Variants in UGT1A10 observed in about 807,000 individuals in gnomAD.
UGT1A10 encodes UDP glucuronosyltransferase family 1 member A10.
In UGT1A10, 49 loss-of-function variants were observed where a neutral mutation model predicts 45.8. That is an observed-to-expected ratio of 1.07 (90% CI 0.85 to 1.36). The LOEUF is 1.36. UGT1A10 is among the 40% of genes most tolerant of loss of function. The pLI is 0.00. For missense variants in UGT1A10, 745 were observed against 668.6 expected, an observed-to-expected ratio of 1.11 and a Z score of -1.26; for synonymous variants, 284 against 249.7, an observed-to-expected ratio of 1.14 and a Z score of -1.29.
intron 1 of UGT1A10, chr2:233,760,497 C>T (rs1553620689): frequency 2.5e-6 from 4 of 1,614,200 alleles, no homozygotes; most frequent in East Asian, 2.2e-5. Flanking sequence ...ACATCAGAGA[C>T]GGAGCATTTT....
At chr2:233,697,139 T>G (rs2075377929) in intron 1 of UGT1A10, among the ~76,000 whole-genome samples, 1 of 152,116 alleles carries the variant, frequency 6.6e-6, no homozygotes. Flanking sequence ...TCTGTAATAG[T>G]TTGAGTGGAA....
intron 1 of UGT1A10, among the ~76,000 whole-genome samples, chr2:233,661,622 A>ATTTTCTTTCTTTC (rs71058570): frequency 0.063 from 4,329 of 68,476 alleles, 143 homozygotes; most frequent in South Asian, 0.15. Flanking sequence ...GACTTACTGA[A>ATTTTCTTTCTTTC]TTTTCTTTCT....
chr2:233,746,292 T>G (rs1467631519), intron 1 of UGT1A10, among the ~76,000 whole-genome samples: 3 of 151,662 alleles, frequency 2.0e-5, no homozygotes, highest in Non-Finnish European at 4.4e-5. Flanking sequence ...GAAGGTGGCT[T>G]TGTTTCCCTT....
chr2:233,682,303 A>G (rs953651493), intron 1 of UGT1A10: 16 of 1,613,966 alleles, frequency 9.9e-6, no homozygotes, highest in Non-Finnish European at 1.2e-5. Context: ...TATTTTTTTC[A>G]AATTGCAGGA....
At chr2:233,738,083 T>G (rs1690690537) in intron 1 of UGT1A10, among the ~76,000 whole-genome samples, 1 of 152,170 alleles carries the variant, frequency 6.6e-6, no homozygotes, top group Admixed American at 6.5e-5. Context: ...CCTAATCTCA[T>G]CATAGTGAGT....
rs1444148236 is a variant in UGT1A10, at chr2:233,693,985, A to G, written c.855+56608A>G. The G allele has an allele frequency of 3.9e-6, 6 of 1,547,132 alleles. No homozygotes were observed. In the East Asian group the frequency reaches 9.0e-5, roughly 23 times the overall value. Reference sequence around the variant, plus strand: ...ATTTCCTGGAGAAACGGTGGGGGGAAGTGATACCCGGCTCGGAGCAGCGGG... The same window carrying G: ...ATTTCCTGGAGAAACGGTGGGGGGAGGTGATACCCGGCTCGGAGCAGCGGG... On this transcript the variant is annotated intron_variant, in intron 1 of 4. Transcript: ENST00000344644.
At chr2:233,739,410 G>A (rs1691084493) in intron 1 of UGT1A10, among the ~76,000 whole-genome samples, 1 of 152,204 alleles carries the variant, frequency 6.6e-6, no homozygotes, top group Non-Finnish European at 1.5e-5. Flanking sequence ...GCCACCCTCT[G>A]AAAGCAGCCA....
intron 1 of UGT1A10, among the ~76,000 whole-genome samples, chr2:233,689,674 A>G (rs1426137684): frequency 6.6e-6 from 1 of 152,186 alleles, no homozygotes; most frequent in Non-Finnish European, 1.5e-5. Flanking sequence ...AGAACAAAGA[A>G]TGGCTGTCAG....
intron 1 of UGT1A10, among the ~76,000 whole-genome samples, chr2:233,638,308 G>A (rs754211877): frequency 1.3e-5 from 2 of 152,032 alleles, no homozygotes; most frequent in Non-Finnish European, 2.9e-5. Flanking sequence ...ACAGGGCAAT[G>A]TTTCCATTTC....
At chr2:233,729,199 T>G (rs767614546) in intron 1 of UGT1A10, 1 of 1,614,000 alleles carries the variant, frequency 6.2e-7, no homozygotes, top group Non-Finnish European at 8.5e-7. Context: ...TGTCCAGCCC[T>G]GGGCTGAGAG....
rs1054717922 is a variant in UGT1A10, at chr2:233,744,074, G to A, written c.856-22960G>A. On this transcript the variant is annotated intron_variant, in intron 1 of 4. Coordinates refer to ENST00000344644, the MANE Select transcript of UGT1A10 (RefSeq NM_019075.4). ...ATTGGTCGAGGCCTATGAGCGCCTC[G>A]CATCCCAAGATGCAGTGCTTCTGGG... The A allele has an allele frequency of 7.4e-5, 35 of 470,704 alleles. No homozygotes were observed. In the Middle Eastern group the frequency reaches 2.5e-3, roughly 34 times the overall value. 29.2% of individuals were successfully genotyped at this position (470,704 alleles called of 1,614,324 possible). A position where few individuals can be genotyped will look rare whatever the true frequency, so the allele number is the denominator to read the frequency against.
rs138794928 is a variant in UGT1A10, at chr2:233,747,227, C to T, written c.856-19807C>T. 1.0e-2 allele frequency: 16,041 copies of T among 1,605,006 alleles called. 99 individuals are homozygous for T. The highest frequency in any genetic ancestry group is 0.012 in the Non-Finnish European group (14,233 of 1,175,294). On this transcript the variant is annotated intron_variant, in intron 1 of 4. Transcript: ENST00000344644. ...TCTTCTGCTGAGATGGCCACAGGACCCCAGGTTCCCCTGCTGTGGCTGGCC... is the reference window on the plus strand; with the variant it reads ...TCTTCTGCTGAGATGGCCACAGGACTCCAGGTTCCCCTGCTGTGGCTGGCC...
chr2:233,639,029 A>C (rs1469890025), intron 1 of UGT1A10, among the ~76,000 whole-genome samples: 3 of 152,204 alleles, frequency 2.0e-5, no homozygotes, highest in East Asian at 3.8e-4. Context: ...CGAGTTGAGG[A>C]TCTGCCACTT....
At chr2:233,676,737 A>T (rs910066256) in intron 1 of UGT1A10, among the ~76,000 whole-genome samples, 1 of 152,178 alleles carries the variant, frequency 6.6e-6, no homozygotes, top group South Asian at 2.1e-4. Context: ...TGATGTTTTC[A>T]TCGTGGTAAA....
chr2:233,663,717 G>A (rs1375374475), intron 1 of UGT1A10, among the ~76,000 whole-genome samples: 4 of 152,148 alleles, frequency 2.6e-5, no homozygotes, highest in African/African-American at 9.7e-5. Flanking sequence ...TATAAAATAA[G>A]TTTCTCCCAA....
intron 1 of UGT1A10, among the ~76,000 whole-genome samples, chr2:233,714,661 A>G (rs2076404263): frequency 6.6e-6 from 1 of 152,228 alleles, no homozygotes; most frequent in African/African-American, 2.4e-5. Context: ...TTATTTAACC[A>G]GATGTATCCC....
chr2:233,738,966 A>C (rs185032908), intron 1 of UGT1A10: 1 of 152,340 alleles, frequency 6.6e-6, no homozygotes, highest in Non-Finnish European at 1.5e-5. Context: ...CCAGGCCCCC[A>C]CTGCTGTGTG....
intron 1 of UGT1A10, among the ~76,000 whole-genome samples, chr2:233,663,995 G>A (rs1464070623): frequency 1.3e-5 from 2 of 152,108 alleles, no homozygotes; most frequent in African/African-American, 4.8e-5. Flanking sequence ...GGCCACATCT[G>A]GAATACTTTA....
intron 1 of UGT1A10, among the ~76,000 whole-genome samples, chr2:233,738,704 G>A (rs1471185258): frequency 6.6e-6 from 1 of 152,238 alleles, no homozygotes; most frequent in South Asian, 2.1e-4. Flanking sequence ...TAAAAGGGAA[G>A]CAGAGCATAA....
Sources: allele counts gnomAD v4.1 joint callset (sites outside exome capture counted in the v4.1 genomes callset), GRCh38; gene constraint gnomAD v4.1.1; transcripts MANE v1.5; gene names NCBI Gene and HGNC (gene_info 2026-07-23, HGNC 2026-07-21).